MTUS2: variants seen among roughly 807,000 people sequenced by gnomAD.
The protein encoded by MTUS2 is microtubule-associated tumor suppressor candidate 2.
Under a neutral mutation model 114.1 loss-of-function variants are expected in MTUS2, and 40 were observed. The ratio of observed to expected loss-of-function variants is 0.35; its 90% confidence interval spans 0.27 to 0.46. The LOEUF is 0.46. Ranked by LOEUF, MTUS2 falls within the 20% of genes least tolerant of loss-of-function variation. MTUS2 has a pLI of 1.00. For synonymous variants in MTUS2, 688 were observed against 672.0 expected (o/e 1.02, Z -0.37); for missense variants, 1,679 against 1,705.4 (o/e 0.98, Z 0.27).
intron 5 of MTUS2, among the ~76,000 whole-genome samples, chr13:29,229,767 A>T (rs4098153): frequency 0.16 from 24,597 of 152,202 alleles, 2,252 homozygotes; most frequent in East Asian, 0.4. Flanking sequence ...CTATCCTCAG[A>T]GGTAAACCAT....
At chr13:28,847,131 G>T (rs945601645) in intron 2 of MTUS2, among the ~76,000 whole-genome samples, 4 of 152,178 alleles carry the variant, frequency 2.6e-5, no homozygotes, top group Admixed American at 6.5e-5. Flanking sequence ...GTGCTGTATT[G>T]TATTTAGGAT....
chr13:29,020,488 G>A lies in MTUS2; in HGVS notation c.-242-3969G>A, dbSNP rs191971887. Among the ~76,000 whole-genome samples, 166 of 152,318 alleles carry A rather than the reference G, an allele frequency of 1.1e-3. 1 individual carries two copies. The highest frequency in any genetic ancestry group is 7.1e-3 in the South Asian group (34 of 4,822). On this transcript the variant is annotated intron_variant, in intron 2 of 15. Transcript: ENST00000612955. The stretch of plus-strand genomic sequence containing the variant: ...TTACTTTGCCGCTGTCTTATGGCAG[G>A]ATGAGGGAGCTGGAGTGAGGGAGAC...
At chr13:29,399,069 G>A (rs1191643029) in intron 8 of MTUS2, among the ~76,000 whole-genome samples, 1 of 152,170 alleles carries the variant, frequency 6.6e-6, no homozygotes, top group African/African-American at 2.4e-5. Context: ...GAGCAGCCCC[G>A]AGGGCTGCTG....
At chr13:29,346,163 G>A (rs1868658815) in intron 7 of MTUS2, among the ~76,000 whole-genome samples, 1 of 152,172 alleles carries the variant, frequency 6.6e-6, no homozygotes, top group African/African-American at 2.4e-5. Context: ...TTTCAAGAGA[G>A]CCTCAGCTGC....
At chr13:29,012,849 G>C (rs569253442) in intron 2 of MTUS2, among the ~76,000 whole-genome samples, 6 of 151,966 alleles carry the variant, frequency 3.9e-5, no homozygotes, top group Non-Finnish European at 8.8e-5. Context: ...ATTCCAGCCT[G>C]GGTGACAGAG....
At chr13:29,241,613 T>C (rs1238928382) in intron 5 of MTUS2, among the ~76,000 whole-genome samples, 1 of 152,214 alleles carries the variant, frequency 6.6e-6, no homozygotes, top group Non-Finnish European at 1.5e-5. Flanking sequence ...AAAAATCACA[T>C]GCTACATTTG....
At position 29,356,598 on chromosome 13, in the gene MTUS2, G is replaced by T. The variant is rs564916410; in HGVS notation, c.2906-2664G>T. Among the ~76,000 whole-genome samples, 3 of 152,286 alleles carry T rather than the reference G, an allele frequency of 2.0e-5. No individual in the cohort carries two copies. In the South Asian group the frequency reaches 6.2e-4, roughly 32 times the overall value. ...AGGGGGTGACAGACAGTACATCAGG[G>T]AATCAGCTATAGAAGTAGTAACAAA... On this transcript the variant is annotated intron_variant, in intron 7 of 15. Transcript: ENST00000612955.
intron 4 of MTUS2, among the ~76,000 whole-genome samples, chr13:29,059,997 G>A (rs188497809): frequency 1.1e-3 from 169 of 152,338 alleles, no homozygotes; most frequent in African/African-American, 4.0e-3. Context: ...CCCAGTGGCA[G>A]GGGTGGGTTG....
At chr13:29,278,594 C>T (rs1285752861) in intron 5 of MTUS2, among the ~76,000 whole-genome samples, 1 of 152,122 alleles carries the variant, frequency 6.6e-6, no homozygotes, top group Non-Finnish European at 1.5e-5. Context: ...AAACAGTTGC[C>T]AAAATTAAAA....
intron 6 of MTUS2, among the ~76,000 whole-genome samples, chr13:29,297,735 C>G (rs139240284): frequency 6.6e-6 from 1 of 152,186 alleles, no homozygotes; most frequent in Non-Finnish European, 1.5e-5. Flanking sequence ...AGAGCTAATG[C>G]CCTGTCCTAA....
chr13:28,911,973 G>C (rs1880466869), intron 2 of MTUS2, among the ~76,000 whole-genome samples: 1 of 150,882 alleles, frequency 6.6e-6, no homozygotes, highest in Non-Finnish European at 1.5e-5. Flanking sequence ...TCTGATGATA[G>C]TTTCTTTTGC....
intron 4 of MTUS2, among the ~76,000 whole-genome samples, chr13:29,056,624 G>C (rs889001010): frequency 6.6e-6 from 1 of 151,650 alleles, no homozygotes; most frequent in Non-Finnish European, 1.5e-5. Context: ...AGTTTGTAAG[G>C]GGTTTTGTAT....
At chr13:29,216,874 T>A (rs1189407087) in intron 5 of MTUS2, among the ~76,000 whole-genome samples, 1 of 152,212 alleles carries the variant, frequency 6.6e-6, no homozygotes, top group African/African-American at 2.4e-5. Flanking sequence ...CCACCAACAG[T>A]GCACAAGAGT....
chr13:29,314,992 T>G (rs9508348), intron 6 of MTUS2, among the ~76,000 whole-genome samples: 47,664 of 152,052 alleles, frequency 0.31, 8,367 homozygotes, highest in Non-Finnish European at 0.41. Context: ...ATTCATCCAT[T>G]AAAAAGAATC....
At chr13:29,038,613 T>G (rs1801963078) in intron 4 of MTUS2, among the ~76,000 whole-genome samples, 1 of 152,174 alleles carries the variant, frequency 6.6e-6, no homozygotes, top group African/African-American at 2.4e-5. Flanking sequence ...CAGGCAGGAA[T>G]GTTTAAGTCT....
chr13:29,024,514 T>C lies in MTUS2; in HGVS notation c.-185T>C, dbSNP rs936762724. On this transcript the variant is annotated 5_prime_UTR_variant, in exon 3 of 16. Transcript: ENST00000612955. ...GAACCTAACAGATAAGTCTTCCTGC[T>C]GTATATCAAGACAATGCTTGGTTTT... 1 of 662,676 alleles carries C rather than the reference T, an allele frequency of 1.5e-6. No individual in the cohort carries two copies. Among genetic ancestry groups the C allele is most frequent in the Non-Finnish European group, 2.5e-6 (1 of 393,636 alleles). The allele number at this position is 662,676 out of a possible 1,614,324, so 41.0% of individuals were successfully genotyped here. A position where few individuals can be genotyped will look rare whatever the true frequency, so the allele number is the denominator to read the frequency against.
At chr13:28,903,626 G>T (rs993140074) in intron 2 of MTUS2, among the ~76,000 whole-genome samples, 1 of 151,850 alleles carries the variant, frequency 6.6e-6, no homozygotes, top group Non-Finnish European at 1.5e-5. Context: ...GCATTCCATG[G>T]TGTATATGTG....
intron 2 of MTUS2, among the ~76,000 whole-genome samples, chr13:28,952,311 T>C (rs1882850378): frequency 6.6e-6 from 1 of 152,220 alleles, no homozygotes; most frequent in Non-Finnish European, 1.5e-5. Context: ...CTCCATCAAA[T>C]ATATGAGCTC....
chr13:29,204,657 C>T (rs747643323), intron 5 of MTUS2, among the ~76,000 whole-genome samples: 1 of 152,230 alleles, frequency 6.6e-6, no homozygotes, highest in East Asian at 1.9e-4. Flanking sequence ...CTCAGGGCAG[C>T]ACCCTGGCCT....
Sources: allele counts gnomAD v4.1 joint callset (sites outside exome capture counted in the v4.1 genomes callset), GRCh38; gene constraint gnomAD v4.1.1; transcripts MANE v1.5; gene names NCBI Gene and HGNC (gene_info 2026-07-23, HGNC 2026-07-21).